CTSB: variants seen among roughly 807,000 people sequenced by gnomAD.
CTSB encodes the protein cathepsin B.
In CTSB, 57 loss-of-function variants were observed where a neutral mutation model predicts 44.3. The ratio of observed to expected loss-of-function variants is 1.29; its 90% CI spans 1.04 to 1.60. CTSB has a LOEUF of 1.60. Ranked by LOEUF, CTSB falls within the 40% of genes most tolerant of loss-of-function variation. CTSB has a pLI of 0.00. For synonymous variants in CTSB, 320 were observed against 168.0 expected, an observed-to-expected ratio of 1.91 and a Z score of -7.00; for missense variants, 768 against 443.0, an observed-to-expected ratio of 1.73 and a Z score of -6.59.
chr8:11,848,786 G>T (rs531778529), intron 5 of CTSB: 32 of 391,744 alleles, frequency 8.2e-5, no homozygotes, highest in Non-Finnish European at 1.5e-4. Context: ...CCAGGGGCCA[G>T]ACATTCCACC....
intron 4 of CTSB, 147 bp downstream of exon 4, chr8:11,850,719 G>C: frequency 3.6e-6 from 2 of 558,754 alleles, no homozygotes; most frequent in South Asian, 2.2e-5. Flanking sequence ...CAGAGGGATT[G>C]TGATTTTTGT....
chr8:11,845,227 G>A lies in CTSB; in HGVS notation c.923-5C>T, dbSNP rs757866926. On this transcript the variant is annotated splice_polypyrimidine_tract_variant and splice_region_variant and intron_variant, in intron 9 of 9. Transcript: ENST00000353047. ...CTCTGAGTATTTTAAAGAAGCCTGG[G>A]AATAAAAAGTAAGGTGCTTTTAAAG... 6.2e-7 allele frequency: 1 copy of A among 1,605,852 alleles called. No homozygotes were observed. The highest frequency in any genetic ancestry group is 1.7e-5 in the Admixed American group (1 of 59,976).
chr8:11,848,187 G>A (rs745561650), intron 5 of CTSB, 35 bp from the exon 6 acceptor site: 4 of 1,578,368 alleles, frequency 2.5e-6, no homozygotes, highest in South Asian at 1.1e-5. Context: ...ACCTCTGAGA[G>A]AAGCACCACC....
Position 11,847,747 on chromosome 8 carries a change from TCTCC to T in CTSB, c.604_607del (p.Gly202IlefsTer72). ...ACAGATCTTGCTACACTTGGGGGTA[TCTCC>T]CTCCCCCGTGCATGGGGGCCGGGAG... On this transcript the variant is annotated frameshift_variant, in exon 7 of 10. Transcript: ENST00000353047. LOFTEE classifies it high-confidence loss of function. 1 of 1,601,772 alleles carries T rather than the reference TCTCC, an allele frequency of 6.2e-7. No homozygotes were observed. The highest frequency in any genetic ancestry group is 8.5e-7 in the Non-Finnish European group (1 of 1,175,880).
Position 11,847,098 on chromosome 8 carries a change from C to A in CTSB, c.747G>T (p.Val249=). ...CCGAATACACAGAGAAAGCTCCCTCCACGGGGCCGTTTTTGTAGATCTCGG... is the reference window on the plus strand; with the variant it reads ...CCGAATACACAGAGAAAGCTCCCTCAACGGGGCCGTTTTTGTAGATCTCGG... The part of the protein sequence containing the change: ...IMAEIYKNGP[V]EGAFSVYSDF... Residue 249 remains valine, a synonymous_variant, in exon 8 of 10, where the codon GTG becomes GTT. Transcript: ENST00000353047. The A allele has an allele frequency of 6.2e-7, 1 of 1,613,828 alleles. No individual in the cohort carries two copies. Among genetic ancestry groups the A allele is most frequent in the Non-Finnish European group, 8.5e-7 (1 of 1,179,684 alleles).
At chr8:11,859,767 CAAAAA>C (rs36047077) in intron 1 of CTSB, among the ~76,000 whole-genome samples, 109 of 38,958 alleles carry the variant, frequency 2.8e-3, no homozygotes, top group African/African-American at 0.012. Context: ...GACTCTGTCT[CAAAAA>C]AAAAAAAAAA....
At chr8:11,862,427 G>C (rs1450180381) in intron 1 of CTSB, 1 of 152,158 alleles carries the variant, frequency 6.6e-6, no homozygotes, top group African/African-American at 2.4e-5. Flanking sequence ...CTTATACATA[G>C]GACAGCCAAC....
chr8:11,850,035 TC>T (rs915287264), intron 4 of CTSB: 58 of 152,348 alleles, frequency 3.8e-4, no homozygotes, highest in African/African-American at 1.3e-3. Flanking sequence ...GGACAGAGTT[TC>T]TGTCTTGCGA....
At position 11,848,425 on chromosome 8, in the gene CTSB, G is replaced by T. The variant is rs571959745; in HGVS notation, c.447-273C>A. 9 of 576,572 alleles carry T rather than the reference G, an allele frequency of 1.6e-5. No individual in the cohort carries two copies. In the Admixed American group the frequency reaches 1.9e-4, roughly 12 times the overall value. The allele number at this position is 576,572 out of a possible 1,614,324, so 35.7% of individuals were successfully genotyped here. On this transcript the variant is annotated intron_variant, in intron 5 of 9. Transcript: ENST00000353047. ...TCATGTCCATACCAGACCAGGCTAC[G>T]AGTGCCCTTCCGGGTAGAACACTGA...
chr8:11,845,847 C>T, intron 8 of CTSB, 58 bp from the exon 9 acceptor site: 3 of 1,519,316 alleles, frequency 2.0e-6, no homozygotes, highest in Non-Finnish European at 2.7e-6. Flanking sequence ...CGCCCCACAG[C>T]ACCCCCCACA....
At chr8:11,848,267 A>C in intron 5 of CTSB, 115 bp from the exon 6 acceptor site, 1 of 880,430 alleles carries the variant, frequency 1.1e-6, no homozygotes, top group Non-Finnish European at 1.9e-6. Flanking sequence ...AGCTGCAGCA[A>C]GTGGTGCGAG....
rs1814050589 is a variant in CTSB at position 11,849,164 on chromosome 8, C to T, written c.328G>A (p.Ala110Thr). Residue 110 changes from alanine to threonine, a missense_variant and splice_region_variant, in exon 5 of 10, where the codon GCC becomes ACC. Coordinates refer to ENST00000353047, the MANE Select transcript of CTSB (RefSeq NM_001908.5). ...RDQGSCGSCW[A>T]FGAVEAISDR... is the part of the protein sequence containing the mutation. The stretch of plus-strand genomic sequence containing the variant: ...GAGATGGCTTCCACAGCCCCGAAGG[C>T]CTGCAGGAACGAGCCCCACCGGGTG... 1 of 1,611,368 alleles carries T rather than the reference C, an allele frequency of 6.2e-7. No individual in the cohort carries two copies. Among genetic ancestry groups the T allele is most frequent in the Non-Finnish European group, 8.5e-7 (1 of 1,179,176 alleles).
At chr8:11,856,843 CCTTA>C (rs1202579987) in intron 1 of CTSB, among the ~76,000 whole-genome samples, 2 of 135,682 alleles carry the variant, frequency 1.5e-5, no homozygotes, top group Non-Finnish European at 3.3e-5. Context: ...CACAACATAC[CCTTA>C]CTTTTAAGAA....
rs552923123 is a variant in CTSB, at chr8:11,855,248, C to G, written c.-25-1769G>C. ...TTTTGGCCAGGCTGGTCTCGAACGC[C>G]TGACCTCGTGATCCACCTGACTCAG... is the stretch of plus-strand genomic sequence containing the variant. On this transcript the variant is annotated intron_variant, in intron 1 of 9. Transcript: ENST00000353047. Among the ~76,000 whole-genome samples, 3 of 152,280 alleles carry G rather than the reference C, an allele frequency of 2.0e-5. No individual in the cohort carries two copies. In the East Asian group the frequency reaches 5.8e-4, roughly 30 times the overall value.
intron 1 of CTSB, among the ~76,000 whole-genome samples, chr8:11,859,296 A>C (rs1563425302): frequency 6.6e-6 from 1 of 152,108 alleles, no homozygotes; most frequent in Non-Finnish European, 1.5e-5. Context: ...CTCCCCCGGC[A>C]AACGGCACCC....
intron 2 of CTSB, 80 bp downstream of exon 2, chr8:11,853,249 G>A (rs1230363185): frequency 3.9e-6 from 6 of 1,557,780 alleles, no homozygotes. Flanking sequence ...CACAGTGAGG[G>A]CTGGCTTCCC....
chr8:11,859,984 A>G (rs557235790), intron 1 of CTSB, among the ~76,000 whole-genome samples: 2 of 151,252 alleles, frequency 1.3e-5, no homozygotes, highest in South Asian at 2.1e-4. Context: ...AGGCAGGAAA[A>G]TTGCTTGAAC....
chr8:11,849,877 G>A (rs1414259143), intron 4 of CTSB: 3 of 151,730 alleles, frequency 2.0e-5, no homozygotes, highest in African/African-American at 7.3e-5. Flanking sequence ...TACCGTACCT[G>A]GCTGTGTTTT....
intron 1 of CTSB, 99 bp from the exon 2 acceptor site, chr8:11,853,578 G>C (rs1022661994): frequency 5.8e-6 from 7 of 1,204,878 alleles, no homozygotes; most frequent in East Asian, 2.6e-5. Flanking sequence ...GGACCCCCAT[G>C]CTCGTCCTGG....
Sources: allele counts gnomAD v4.1 joint callset (sites outside exome capture counted in the v4.1 genomes callset), GRCh38; gene constraint gnomAD v4.1.1; transcripts MANE v1.5; gene names NCBI Gene and HGNC (gene_info 2026-07-23, HGNC 2026-07-21).